Variants in WSB2 observed in about 807,000 individuals in gnomAD.
WSB2 encodes WD repeat and SOCS box-containing protein 2.
A neutral mutation model predicts 48.8 loss-of-function variants in WSB2; 12 were observed. That is an observed-to-expected ratio of 0.25 (90% CI 0.16 to 0.40). WSB2 has a LOEUF of 0.40. Ranked by LOEUF, WSB2 falls within the 10% of genes least tolerant of loss-of-function variation. WSB2 has a pLI of 1.00. For synonymous variants in WSB2, 191 were observed against 203.1 expected, an observed-to-expected ratio of 0.94 and a Z score of 0.51; for missense variants, 317 against 506.2, an observed-to-expected ratio of 0.63 and a Z score of 3.59.
Position 118,052,408 on chromosome 12 carries a change from T to G in WSB2, c.84A>C (p.Glu28Asp). The change falls in exon 2 of 9, where the codon GAA (glutamate) becomes GAC (aspartate). Residue 28 changes from glutamate to aspartate, a missense_variant. This residue lies in a region of WSB2 where 128 missense variants were observed against 156.7 expected (regional missense o/e 0.82). Transcript: ENST00000315436. Reference sequence around the variant, plus strand: ...CTGGGGAGAAGGCGACGCTCCAGGTTTCACAGCTGGACTTCCAATCAAACT... The same window carrying G: ...CTGGGGAGAAGGCGACGCTCCAGGTGTCACAGCTGGACTTCCAATCAAACT... ...PHQFDWKSSC[E>D]TWSVAFSPDG... The G allele has an allele frequency of 6.2e-7, 1 of 1,614,116 alleles. No individual in the cohort carries two copies.
chr12:118,036,731 A>C (rs1218795508), intron 5 of WSB2, among the ~76,000 whole-genome samples: 1 of 152,210 alleles, frequency 6.6e-6, no homozygotes, highest in Non-Finnish European at 1.5e-5. Flanking sequence ...CAAGGAGCTC[A>C]CTATAAGAGA....
At chr12:118,041,335 G>A (rs1205538772) in intron 4 of WSB2, among the ~76,000 whole-genome samples, 4 of 152,146 alleles carry the variant, frequency 2.6e-5, no homozygotes, top group Non-Finnish European at 4.4e-5. Flanking sequence ...GAGAGAAGGT[G>A]GCTGTTTACA....
chr12:118,052,483 G>A lies in WSB2; in HGVS notation c.14-5C>T, dbSNP rs993449772. 1.9e-6 allele frequency: 3 copies of A among 1,613,832 alleles called. No individual in the cohort carries two copies. The highest frequency in any genetic ancestry group is 2.5e-6 in the Non-Finnish European group (3 of 1,179,998). ...CGGCCAGCAGCAGCGGTTCCTCTGGGGCAGGAGACAACATGCTTCAAACAC... is the reference window on the plus strand; with the variant it reads ...CGGCCAGCAGCAGCGGTTCCTCTGGAGCAGGAGACAACATGCTTCAAACAC... On this transcript the variant is annotated splice_polypyrimidine_tract_variant and splice_region_variant and intron_variant, in intron 1 of 8. Transcript: ENST00000315436.
chr12:118,052,280 C>T lies in WSB2; in HGVS notation c.182+30G>A, dbSNP rs777144848. 8.1e-6 allele frequency: 13 copies of T among 1,605,022 alleles called. No individual in the cohort carries two copies. The East Asian group carries it at 2.0e-4, about 25-fold the overall frequency. Reference sequence around the variant, plus strand: ...GAACAAGGAGTGTTTGGAAATGCGCCGGATGGGGCCCCAGTACGAGAATAC... The same window carrying T: ...GAACAAGGAGTGTTTGGAAATGCGCTGGATGGGGCCCCAGTACGAGAATAC... On this transcript the variant is annotated intron_variant, in intron 2 of 8. Transcript: ENST00000315436.
Position 118,060,908 on chromosome 12 carries a change from G to T in WSB2, c.13+128C>A, listed in dbSNP as rs371352502. 2 of 350,392 alleles carry T rather than the reference G, an allele frequency of 5.7e-6. No homozygotes were observed. The highest frequency in any genetic ancestry group is 2.2e-4 in the South Asian group (2 of 9,078). 21.7% of individuals were successfully genotyped at this position (350,392 alleles called of 1,614,324 possible). ...CGGCCCCGCGCGGACCTCCCAGGCC[G>T]GACGCCCCCGCCGCGTCCAGCCCCC... is the stretch of plus-strand genomic sequence containing the variant. On this transcript the variant is annotated intron_variant, in intron 1 of 8. Transcript: ENST00000315436. This position sits in a 1 kb window ranked among gnomAD's most constrained non-coding sequence, Gnocchi z 4.1.
At chr12:118,038,889 C>G (rs897776467) in intron 4 of WSB2, among the ~76,000 whole-genome samples, 13 of 152,088 alleles carry the variant, frequency 8.5e-5, no homozygotes, top group African/African-American at 3.1e-4. Context: ...CCATATTGGC[C>G]AGGCTGGTCT....
chr12:118,040,374 TTCCA>T lies in WSB2; in HGVS notation c.560-1990_560-1987del, dbSNP rs570986534. On this transcript the variant is annotated intron_variant, in intron 4 of 8. Coordinates refer to ENST00000315436, the MANE Select transcript of WSB2 (RefSeq NM_018639.5). The stretch of plus-strand genomic sequence containing the variant: ...TTGGTCACTCTCACTTGGTCTTTCC[TTCCA>T]AGTCATCAAGTGATTTCCAGAGCCA... Among the ~76,000 whole-genome samples the T allele has an allele frequency of 7.9e-5, 12 of 152,256 alleles. No homozygotes were observed. In the South Asian group the frequency reaches 2.3e-3, roughly 29 times the overall value.
In WSB2 at chr12:118,041,984, G is replaced by C. The variant is rs550365677; in HGVS notation, c.559+857C>G. On this transcript the variant is annotated intron_variant, in intron 4 of 8. Coordinates refer to ENST00000315436, the MANE Select transcript of WSB2 (RefSeq NM_018639.5). ...TTGGCCAGGCTGGTCTTGAACTCCTGACCTCAGGTGATCCACCCGCCTCAG... is the reference window on the plus strand; with the variant it reads ...TTGGCCAGGCTGGTCTTGAACTCCTCACCTCAGGTGATCCACCCGCCTCAG... Among the ~76,000 whole-genome samples the C allele has an allele frequency of 1.7e-3, 260 of 152,106 alleles. 1 individual carries two copies. Among genetic ancestry groups the C allele is most frequent in the African/African-American group, 5.9e-3 (245 of 41,510 alleles).
intron 1 of WSB2, among the ~76,000 whole-genome samples, chr12:118,059,012 G>C (rs891953172): frequency 1.2e-4 from 18 of 152,044 alleles, no homozygotes; most frequent in African/African-American, 4.3e-4. Flanking sequence ...ATATTTTCTT[G>C]ATTGCCTGTC....
At chr12:118,059,272 T>C (rs2032019272) in intron 1 of WSB2, among the ~76,000 whole-genome samples, 1 of 152,200 alleles carries the variant, frequency 6.6e-6, no homozygotes, top group African/African-American at 2.4e-5. Context: ...TTTAGACATG[T>C]TGTATTGAAA....
Position 118,033,962 on chromosome 12 carries a change from C to A in WSB2, c.*234G>T. ...GTTCATAACTGGACTGAAAATTTAACGTAAGGCTCTGTTGCCGTGCAAGTG... is the reference window on the plus strand; with the variant it reads ...GTTCATAACTGGACTGAAAATTTAAAGTAAGGCTCTGTTGCCGTGCAAGTG... On this transcript the variant is annotated 3_prime_UTR_variant, in exon 9 of 9. Coordinates refer to ENST00000315436, the MANE Select transcript of WSB2 (RefSeq NM_018639.5). 1.9e-6 allele frequency: 1 copy of A among 537,240 alleles called. No individual in the cohort carries two copies. The allele number at this position is 537,240 out of a possible 1,614,324, so 33.3% of individuals were successfully genotyped here.
At chr12:118,046,830 G>A (rs1187777684) in intron 2 of WSB2, among the ~76,000 whole-genome samples, 2 of 152,134 alleles carry the variant, frequency 1.3e-5, no homozygotes, top group East Asian at 3.8e-4. Flanking sequence ...GCAGTGCAGT[G>A]GTGTGACCAT....
upstream of WSB2, among the ~76,000 whole-genome samples, chr12:118,061,886 G>T (rs1186659552): frequency 1.3e-5 from 2 of 149,904 alleles, no homozygotes; most frequent in African/African-American, 4.9e-5. Flanking sequence ...ATAACCGGGT[G>T]CTGGGGAGGA....
chr12:118,054,681 AAATAATAAT>A (rs57072102), intron 1 of WSB2, among the ~76,000 whole-genome samples: 2,184 of 130,610 alleles, frequency 0.017, 25 homozygotes, highest in Middle Eastern at 0.026. Context: ...CTGTCTCAAA[AAATAATAAT>A]AATAATAATA....
chr12:118,057,081 C>A (rs2031970189), intron 1 of WSB2, among the ~76,000 whole-genome samples: 1 of 152,066 alleles, frequency 6.6e-6, no homozygotes, highest in Non-Finnish European at 1.5e-5. Flanking sequence ...AAGAACAAAC[C>A]CAGTGACTCC....
chr12:118,039,515 G>A (rs747555031), intron 4 of WSB2, among the ~76,000 whole-genome samples: 1 of 152,070 alleles, frequency 6.6e-6, no homozygotes, highest in Non-Finnish European at 1.5e-5. Context: ...GATTATACAA[G>A]TAGACAGAAA....
intron 4 of WSB2, among the ~76,000 whole-genome samples, chr12:118,038,968 T>C (rs2031571365): frequency 6.6e-6 from 1 of 152,168 alleles, no homozygotes; most frequent in Admixed American, 6.6e-5. Flanking sequence ...GGTTTCCTCA[T>C]AGGAAACCAT....
At chr12:118,043,406 T>G in intron 2 of WSB2, 29 bp from the exon 3 acceptor site, 1 of 1,522,072 alleles carries the variant, frequency 6.6e-7, no homozygotes, top group Non-Finnish European at 8.8e-7. Flanking sequence ...TCTTAATGAA[T>G]CTGCAATTGT....
At chr12:118,036,110 C>A in intron 6 of WSB2, 1 of 384,522 alleles carries the variant, frequency 2.6e-6, no homozygotes, top group Non-Finnish European at 4.7e-6. Flanking sequence ...GCTCAGGCAG[C>A]AGAATCGCTT....
Sources: gnomAD v4.1 joint callset for allele counts (sites outside exome capture counted in the v4.1 genomes callset) on GRCh38, gnomAD v4.1.1 for gene constraint, gnomAD v4.1.1 regional missense constraint, Gnocchi (gnomAD v3.1) non-coding constraint, MANE v1.5 for transcripts, NCBI Gene and HGNC (gene_info 2026-07-23, HGNC 2026-07-21) for gene names.